The following ZIM2 variants were observed in gnomAD, a reference collection of about 807,000 sequenced individuals.
The protein encoded by ZIM2 is zinc finger protein 656.
A neutral mutation model predicts 38.6 loss-of-function variants in ZIM2; 14 were observed. The observed-to-expected ratio is 0.36, with a 90% CI of 0.24 to 0.57. The LOEUF is 0.57. Ranked by LOEUF, ZIM2 falls within the 20% of genes least tolerant of loss-of-function variation. The pLI, the probability that ZIM2 is intolerant of heterozygous loss-of-function variation, is 0.81. For synonymous variants in ZIM2, 247 were observed against 245.8 expected, an observed-to-expected ratio of 1.00 and a Z score of -0.04; for missense variants, 680 against 695.1, an observed-to-expected ratio of 0.98 and a Z score of 0.24.
chr19:56,812,612 A>G, intron 9 of ZIM2: 1 of 985,690 alleles, frequency 1.0e-6, no homozygotes, highest in Non-Finnish European at 1.2e-6. Flanking sequence ...TAAGGCAGGA[A>G]GCGCACAAAG....
intron 9 of ZIM2, among the ~76,000 whole-genome samples, chr19:56,800,561 TAA>T (rs2047469223): frequency 6.6e-6 from 1 of 152,162 alleles, no homozygotes; most frequent in African/African-American, 2.4e-5. Flanking sequence ...AGAGGTTATT[TAA>T]AAGTTATTTA....
intron 1 of ZIM2, among the ~76,000 whole-genome samples, chr19:56,837,524 G>A (rs2146682311): frequency 6.6e-6 from 1 of 152,276 alleles, no homozygotes; most frequent in South Asian, 2.1e-4. Flanking sequence ...CTGACCCAAG[G>A]CTGCACAGCT....
At chr19:56,825,540 C>A (rs966920204) in intron 3 of ZIM2, among the ~76,000 whole-genome samples, 2 of 148,564 alleles carry the variant, frequency 1.3e-5, no homozygotes, top group African/African-American at 4.9e-5. Context: ...TGAGATTGGA[C>A]ATAAATGTAA....
rs1283584961 is a variant in ZIM2 at position 56,814,163 on chromosome 19, C to T, written c.490+3583G>A. ...TCTCCAATGGGCTCTGCAGCCTCTC[C>T]ATCTGGCCCTTCAGCCTCTCCGTTT... On this transcript the variant is annotated intron_variant, in intron 9 of 12. Coordinates refer to ENST00000629319, the MANE Select transcript of ZIM2 (RefSeq NM_001387356.1). The surrounding 1 kb of genome is among the most constrained non-coding windows in gnomAD (Gnocchi z 5.8). The T allele has an allele frequency of 6.2e-7, 1 of 1,614,196 alleles. No individual in the cohort carries two copies. Among genetic ancestry groups the T allele is most frequent in the Admixed American group, 1.7e-5 (1 of 60,018 alleles).
chr19:56,824,278 C>G lies in ZIM2; in HGVS notation c.-1G>C. The G allele has an allele frequency of 6.2e-7, 1 of 1,613,646 alleles. No homozygotes were observed. The highest frequency in any genetic ancestry group is 8.5e-7 in the Non-Finnish European group (1 of 1,179,936). On this transcript the variant is annotated 5_prime_UTR_variant, in exon 4 of 13. Transcript: ENST00000629319. The stretch of plus-strand genomic sequence containing the variant: ...GACTCTCACCTTCTGGTTGGTACAT[C>G]TCCTTGTAATTCTCCAGCAGAGTGA...
intron 9 of ZIM2, chr19:56,798,910 G>A (rs560492105): frequency 6.6e-6 from 1 of 152,126 alleles, no homozygotes; most frequent in Non-Finnish European, 1.5e-5. Context: ...AAACCACAAT[G>A]AGATACCATC....
Position 56,775,183 on chromosome 19 carries a change from T to G in ZIM2, c.1182A>C (p.Glu394Asp). 6.2e-7 allele frequency: 1 copy of G among 1,614,170 alleles called. No individual in the cohort carries two copies. The highest frequency in any genetic ancestry group is 1.3e-5 in the African/African-American group (1 of 75,030). Residue 394 changes from glutamate (E) to aspartate (D), a missense_variant, in exon 13 of 13, where the codon GAA becomes GAC. Physicochemically the swap from Glu to Asp is conservative, Grantham distance 45 (BLOSUM62 2). Transcript: ENST00000629319. ...TGAGGTGTGGCATGAGATAGAAGGC[T>G]TCAGCACACTGTTTACATTCATAGG... is the stretch of plus-strand genomic sequence containing the variant. The part of the protein sequence containing the change: ...KKPYECKQCA[E>D]AFYLMPHLNR...
At chr19:56,796,322 T>C (rs962904914) in intron 9 of ZIM2, among the ~76,000 whole-genome samples, 4 of 152,374 alleles carry the variant, frequency 2.6e-5, no homozygotes, top group African/African-American at 9.6e-5. Context: ...TCTTGCGGAT[T>C]TGACAGTACG....
At chr19:56,823,243 A>G (rs2060674377) in intron 5 of ZIM2, among the ~76,000 whole-genome samples, 1 of 152,080 alleles carries the variant, frequency 6.6e-6, no homozygotes. Context: ...AACAACACAC[A>G]CACCCTCCCT....
chr19:56,795,008 C>G (rs1022136960), intron 9 of ZIM2, among the ~76,000 whole-genome samples: 4 of 152,148 alleles, frequency 2.6e-5, no homozygotes, highest in Non-Finnish European at 5.9e-5. Flanking sequence ...ATAAATTGTT[C>G]ACGCCCTTTG....
intron 9 of ZIM2, chr19:56,810,157 C>G (rs2048019013): frequency 1.0e-6 from 1 of 979,630 alleles, no homozygotes; most frequent in Non-Finnish European, 1.2e-6. Flanking sequence ...AAACCAAAAA[C>G]CTGTGCACAG....
intron 10 of ZIM2, 101 bp downstream of exon 10, chr19:56,789,771 A>T: frequency 9.6e-7 from 1 of 1,036,364 alleles, no homozygotes. Flanking sequence ...ATAAAAACTT[A>T]ATGGAAATGA....
At position 56,814,793 on chromosome 19, in the gene ZIM2, T is replaced by G; in HGVS notation, c.490+2953A>C. ...ATGGCCGACCCAGCAAGAGCAGGAT[T>G]CCTCTCTGCAGCACGATTCCTCCGT... On this transcript the variant is annotated intron_variant, in intron 9 of 12. Coordinates refer to ENST00000629319, the MANE Select transcript of ZIM2 (RefSeq NM_001387356.1). This position sits in a 1 kb window ranked among gnomAD's most constrained non-coding sequence, Gnocchi z 5.8. 1 of 1,614,180 alleles carries G rather than the reference T, an allele frequency of 6.2e-7. No individual in the cohort carries two copies. Among genetic ancestry groups the G allele is most frequent in the Non-Finnish European group, 8.5e-7 (1 of 1,180,042 alleles).
intron 9 of ZIM2, among the ~76,000 whole-genome samples, chr19:56,797,486 A>ATG (rs539840035): frequency 5.9e-5 from 9 of 152,248 alleles, no homozygotes; most frequent in African/African-American, 1.9e-4. Context: ...CAAGTCTTTT[A>ATG]TGTGTGTGTG....
chr19:56,795,797 C>T (rs774527469), intron 9 of ZIM2, among the ~76,000 whole-genome samples: 3 of 151,990 alleles, frequency 2.0e-5, no homozygotes, highest in Admixed American at 2.0e-4. Flanking sequence ...GCCGAGATCG[C>T]GCCACTGCAC....
At chr19:56,778,574 A>G (rs1361102609) in intron 12 of ZIM2, among the ~76,000 whole-genome samples, 1 of 152,220 alleles carries the variant, frequency 6.6e-6, no homozygotes, top group Non-Finnish European at 1.5e-5. Flanking sequence ...TTGTACAGGA[A>G]CAAAAAAATG....
At chr19:56,815,068 T>TGGTCTGTGAGGTCTGTGA in intron 9 of ZIM2, 1 of 1,614,128 alleles carries the variant, frequency 6.2e-7, no homozygotes, top group South Asian at 1.1e-5. Context: ...GACTTTCTGA[T>TGGTCTGTGAGGTCTGTGA]GGTCTGTGAG....
In ZIM2 at chr19:56,821,629, AAG is replaced by A. The variant is rs2060496951; in HGVS notation, c.294+20_294+21del. 6.2e-7 allele frequency: 1 copy of A among 1,611,640 alleles called. No individual in the cohort carries two copies. The highest frequency in any genetic ancestry group is 8.5e-7 in the Non-Finnish European group (1 of 1,179,064). On this transcript the variant is annotated intron_variant, in intron 7 of 12. Transcript: ENST00000629319. Reference sequence around the variant, plus strand: ...ATGAAATGAAGATGGCCTTTCTAGAAAGAGAGGAAACCTGAGCATACCTGAGA... The same window carrying A: ...ATGAAATGAAGATGGCCTTTCTAGAAAGAGGAAACCTGAGCATACCTGAGA...
At chr19:56,829,120 G>A (rs945848393) in intron 2 of ZIM2, among the ~76,000 whole-genome samples, 5 of 152,122 alleles carry the variant, frequency 3.3e-5, no homozygotes, top group Non-Finnish European at 7.4e-5. Context: ...GGAGGCCGAG[G>A]CGGGTAGATT....
Sources: gnomAD v4.1 joint callset for allele counts (sites outside exome capture counted in the v4.1 genomes callset) on GRCh38, gnomAD v4.1.1 for gene constraint, Gnocchi (gnomAD v3.1) non-coding constraint, MANE v1.5 for transcripts, NCBI Gene and HGNC (gene_info 2026-07-23, HGNC 2026-07-21) for gene names.